CDKAL1: variants seen among roughly 807,000 people sequenced by gnomAD.
CDKAL1 encodes CDKAL1 threonylcarbamoyladenosine tRNA methylthiotransferase.
CDKAL1 carries 32 observed loss-of-function variants against 68.2 expected under a neutral mutation model. The observed-to-expected ratio is 0.47, with a 90% CI of 0.35 to 0.63. The LOEUF (loss-of-function observed/expected upper bound fraction) is 0.63, where lower values mean the gene tolerates loss of function less well. Ranked by LOEUF, CDKAL1 falls within the 30% of genes least tolerant of loss-of-function variation. CDKAL1 has a pLI of 0.00. For missense variants in CDKAL1, 606 were observed against 696.7 expected (o/e 0.87, Z 1.47); for synonymous variants, 234 against 244.3 (o/e 0.96, Z 0.39).
intron 5 of CDKAL1, among the ~76,000 whole-genome samples, chr6:20,655,784 C>T (rs185531140): frequency 2.0e-4 from 30 of 152,222 alleles, no homozygotes; most frequent in African/African-American, 6.0e-4. Context: ...ACACATTCCA[C>T]GTTGTCCAAG....
At chr6:20,546,248 G>T (rs1333001745) in intron 2 of CDKAL1, 98 bp from the exon 3 acceptor site, 3 of 896,344 alleles carry the variant, frequency 3.3e-6, no homozygotes, top group Non-Finnish European at 3.4e-6. Flanking sequence ...AGATCCAAAG[G>T]CTTGATTAGA....
chr6:20,614,570 G>C (rs1203892591), intron 4 of CDKAL1, among the ~76,000 whole-genome samples: 1 of 152,068 alleles, frequency 6.6e-6, no homozygotes, highest in East Asian at 1.9e-4. Flanking sequence ...GTATGAAAAA[G>C]TTCAAACGTA....
chr6:20,838,109 GTATT>G (rs928207783), intron 8 of CDKAL1, among the ~76,000 whole-genome samples: 5 of 151,532 alleles, frequency 3.3e-5, no homozygotes, highest in African/African-American at 9.7e-5. Context: ...TTTTAAAACA[GTATT>G]TGTTACTGCT....
At chr6:20,763,853 G>A (rs1320668500) in intron 7 of CDKAL1, among the ~76,000 whole-genome samples, 1 of 152,164 alleles carries the variant, frequency 6.6e-6, no homozygotes, top group Non-Finnish European at 1.5e-5. Flanking sequence ...TCTTCATCAT[G>A]TTAATAGCAA....
intron 10 of CDKAL1, among the ~76,000 whole-genome samples, chr6:20,989,999 T>C (rs556520634): frequency 6.6e-6 from 1 of 152,162 alleles, no homozygotes; most frequent in East Asian, 1.9e-4. Context: ...TCCTAGCACT[T>C]TGGGAGGCTG....
intron 4 of CDKAL1, among the ~76,000 whole-genome samples, chr6:20,551,140 C>T (rs919957279): frequency 6.6e-6 from 1 of 152,026 alleles, no homozygotes; most frequent in East Asian, 1.9e-4. Flanking sequence ...GCTGGGATTA[C>T]AGGCGTGAGC....
intron 9 of CDKAL1, among the ~76,000 whole-genome samples, chr6:20,883,309 G>C (rs1760913144): frequency 1.3e-5 from 2 of 152,170 alleles, no homozygotes; most frequent in Non-Finnish European, 2.9e-5. Flanking sequence ...TTGCATTTTA[G>C]TTGACAAGTG....
At chr6:20,536,816 A>C (rs190128326) in intron 2 of CDKAL1, among the ~76,000 whole-genome samples, 1 of 152,194 alleles carries the variant, frequency 6.6e-6, no homozygotes, top group South Asian at 2.1e-4. Flanking sequence ...TTACAAAAAA[A>C]CTGAAAAAGA....
rs545540805 is a variant in CDKAL1, at chr6:20,691,447, A to T, written c.371+42070A>T. Among the ~76,000 whole-genome samples the T allele has an allele frequency of 2.6e-5, 4 of 152,188 alleles. 1 individual carries two copies. In the East Asian group the frequency reaches 7.7e-4, roughly 29 times the overall value. On this transcript the variant is annotated intron_variant, in intron 5 of 15. Transcript: ENST00000274695. ...CAAGGCGAGCATGAGTGCCTGGCTA[A>T]GTGAAAGTCATCGCTGGCAGAGTGG...
intron 15 of CDKAL1, among the ~76,000 whole-genome samples, chr6:21,219,812 A>AGTT (rs1274404666): frequency 1.1e-4 from 17 of 152,204 alleles, no homozygotes; most frequent in African/African-American, 3.9e-4. Flanking sequence ...ATGGTTACCT[A>AGTT]GTTGGAATGA....
intron 11 of CDKAL1, among the ~76,000 whole-genome samples, chr6:21,051,421 C>T (rs1432479266): frequency 6.6e-6 from 1 of 152,166 alleles, no homozygotes; most frequent in Non-Finnish European, 1.5e-5. Flanking sequence ...TTATGATCAG[C>T]CAGTGCTTAT....
intron 5 of CDKAL1, among the ~76,000 whole-genome samples, chr6:20,717,160 A>C (rs1422818821): frequency 6.6e-6 from 1 of 152,094 alleles, no homozygotes; most frequent in Non-Finnish European, 1.5e-5. Flanking sequence ...ATGAGAGCCA[A>C]GGAAGTGAGA....
At chr6:20,871,879 C>G (rs759408229) in intron 9 of CDKAL1, among the ~76,000 whole-genome samples, 5 of 152,156 alleles carry the variant, frequency 3.3e-5, no homozygotes, top group Non-Finnish European at 7.4e-5. Flanking sequence ...CTATAACCTT[C>G]AATTAGTTTA....
intron 5 of CDKAL1, among the ~76,000 whole-genome samples, chr6:20,680,269 G>A (rs565516015): frequency 2.2e-4 from 34 of 152,260 alleles, no homozygotes; most frequent in African/African-American, 5.5e-4. Context: ...GTTTTGCCAT[G>A]TTGGCCAGGC....
At chr6:20,569,225 CT>C (rs1195354282) in intron 4 of CDKAL1, among the ~76,000 whole-genome samples, 14 of 152,170 alleles carry the variant, frequency 9.2e-5, no homozygotes, top group African/African-American at 3.4e-4. Flanking sequence ...TTTTGAGACA[CT>C]TTTATGAGCC....
chr6:20,803,949 G>C (rs1188079615), intron 8 of CDKAL1, among the ~76,000 whole-genome samples: 1 of 151,890 alleles, frequency 6.6e-6, no homozygotes, highest in Non-Finnish European at 1.5e-5. Context: ...TGTTGACAAG[G>C]GTGGATGAAT....
chr6:21,124,349 C>T (rs1294338433), intron 13 of CDKAL1, among the ~76,000 whole-genome samples: 2 of 152,026 alleles, frequency 1.3e-5, no homozygotes, highest in Non-Finnish European at 2.9e-5. Flanking sequence ...TTGCTGCTGC[C>T]CATTCACAGT....
intron 8 of CDKAL1, among the ~76,000 whole-genome samples, chr6:20,816,892 T>C (rs557729676): frequency 1.3e-5 from 2 of 152,276 alleles, no homozygotes; most frequent in East Asian, 3.9e-4. Context: ...TAATGGTGAA[T>C]TAAGTATTAT....
intron 4 of CDKAL1, among the ~76,000 whole-genome samples, chr6:20,569,951 G>A (rs1764629773): frequency 6.6e-6 from 1 of 152,150 alleles, no homozygotes; most frequent in Admixed American, 6.5e-5. Flanking sequence ...GTATCTGAGA[G>A]CTGGGAGGAA....
Sources: gnomAD v4.1 joint callset for allele counts (sites outside exome capture counted in the v4.1 genomes callset) on GRCh38, gnomAD v4.1.1 for gene constraint, MANE v1.5 for transcripts, NCBI Gene and HGNC (gene_info 2026-07-23, HGNC 2026-07-21) for gene names.